Variants in MAN1B1 observed in about 807,000 individuals in gnomAD.
MAN1B1 encodes the protein mannosidase alpha class 1B member 1.
A neutral mutation model predicts 75.5 loss-of-function variants in MAN1B1; 66 were observed. That is an observed-to-expected ratio of 0.87 (90% CI 0.72 to 1.07). MAN1B1 has a LOEUF of 1.07. Ranked by LOEUF, MAN1B1 falls within the 50% of genes least tolerant of loss-of-function variation. The probability of loss-of-function intolerance (pLI) is 0.00; values close to 1 mark genes in which losing one functional copy is unlikely to be tolerated. For missense variants in MAN1B1, 973 were observed against 912.5 expected (o/e 1.07, Z -0.85); for synonymous variants, 453 against 382.8 (o/e 1.18, Z -2.14).
intron 3 of MAN1B1, among the ~76,000 whole-genome samples, chr9:137,091,008 G>A (rs1433111098): frequency 2.6e-5 from 4 of 152,206 alleles, no homozygotes; most frequent in Non-Finnish European, 5.9e-5. Flanking sequence ...GGCAGAGGGT[G>A]TAGGGTGGGA....
Position 137,107,036 on chromosome 9 carries a change from C to T in MAN1B1, c.1567-214C>T, listed in dbSNP as rs9721691. On this transcript the variant is annotated intron_variant, in intron 10 of 12. Transcript: ENST00000371589. The stretch of plus-strand genomic sequence containing the variant: ...CCCAGGGCAGCTCCCTCCCCGTGCC[C>T]GGTGTGTAGCAGGTCCTCGGGCGGT... 2.0e-3 allele frequency: 1,527 copies of T among 746,112 alleles called. 17 individuals are homozygous for T. The African/African-American group carries it at 0.024, about 12-fold the overall frequency. 46.2% of individuals were successfully genotyped at this position (746,112 alleles called of 1,614,324 possible). A position where few individuals can be genotyped will look rare whatever the true frequency, so the allele number is the denominator to read the frequency against.
chr9:137,087,700 A>T, intron 1 of MAN1B1: 1 of 405,284 alleles, frequency 2.5e-6, no homozygotes, highest in Non-Finnish European at 4.6e-6. Flanking sequence ...TGGGAGTCGC[A>T]GGAGTCTTTC....
chr9:137,105,379 A>G (rs1447484015), intron 8 of MAN1B1: 2 of 172,032 alleles, frequency 1.2e-5, no homozygotes, highest in Non-Finnish European at 2.4e-5. Context: ...TGAGGCTCCC[A>G]TGCAGACATT....
At chr9:137,103,787 C>G (rs936686096) in intron 8 of MAN1B1, 4 of 451,622 alleles carry the variant, frequency 8.9e-6, no homozygotes, top group Non-Finnish European at 1.8e-5. Flanking sequence ...TGCAGGTGTG[C>G]AGGTTGGTGT....
intron 4 of MAN1B1, 142 bp from the exon 5 acceptor site, chr9:137,097,686 C>T (rs1830690140): frequency 1.4e-6 from 1 of 699,882 alleles, no homozygotes; most frequent in Admixed American, 2.1e-5. Context: ...TGTTTCCTGC[C>T]ACTCAGCAGC....
At chr9:137,104,882 G>C (rs530729129) in intron 8 of MAN1B1, 1 of 148,932 alleles carries the variant, frequency 6.7e-6, no homozygotes, top group Non-Finnish European at 1.5e-5. Context: ...TTTGGGTGTT[G>C]TGAGTGTGGG....
chr9:137,104,232 C>T (rs1831014064), intron 8 of MAN1B1: 3 of 365,328 alleles, frequency 8.2e-6, no homozygotes, highest in South Asian at 6.3e-5. Flanking sequence ...CACGATTTGT[C>T]CTTTTTTTGT....
chr9:137,102,309 G>C (rs1830859318), intron 8 of MAN1B1: 1 of 432,896 alleles, frequency 2.3e-6, no homozygotes, highest in African/African-American at 2.1e-5. Context: ...GTGCAGGTCG[G>C]TGGTGTTACA....
In MAN1B1 at chr9:137,101,580, C is replaced by T. The variant is rs1252503516; in HGVS notation, c.1162C>T (p.Arg388Trp). 11 of 1,613,768 alleles carry T rather than the reference C, an allele frequency of 6.8e-6. No individual in the cohort carries two copies. The highest frequency in any genetic ancestry group is 2.2e-5 in the East Asian group (1 of 44,898). Residue 388 changes from arginine (R) to tryptophan (W), a missense_variant, in exon 8 of 13, where the codon CGG becomes TGG. Coordinates refer to ENST00000371589, the MANE Select transcript of MAN1B1 (RefSeq NM_016219.5). ...CGGTACTGGAGTTGCCCACCCGCCACGGTGGACCTCCGACAGCACTGTGGC... is the reference window on the plus strand; with the variant it reads ...CGGTACTGGAGTTGCCCACCCGCCATGGTGGACCTCCGACAGCACTGTGGC... ...NIGTGVAHPP[R>W]WTSDSTVAEV...
At position 137,104,567 on chromosome 9, in the gene MAN1B1, C is replaced by T. The variant is rs895409601; in HGVS notation, c.1255-1558C>T. On this transcript the variant is annotated intron_variant, in intron 8 of 12. Coordinates refer to ENST00000371589, the MANE Select transcript of MAN1B1 (RefSeq NM_016219.5). ...TTTTATTTGGGCTCCTTTCACTCAG[C>T]GTCTTTAAGCTTCATACGCGAAAGA... The T allele has an allele frequency of 6.2e-5, 11 of 177,872 alleles. No homozygotes were observed. The East Asian group carries it at 1.5e-3, about 24-fold the overall frequency. 11.0% of individuals were successfully genotyped at this position (177,872 alleles called of 1,614,324 possible).
At chr9:137,108,122 C>A in intron 12 of MAN1B1, 1 of 610,792 alleles carries the variant, frequency 1.6e-6, no homozygotes, top group Non-Finnish European at 2.9e-6. Context: ...GTGCCCTGTG[C>A]CCTGTGCGGC....
chr9:137,097,653 C>T lies in MAN1B1; in HGVS notation c.621-175C>T, dbSNP rs142888957. 4.3e-3 allele frequency among the ~76,000 whole-genome samples: 657 copies of T among 152,304 alleles called. 4 individuals are homozygous for T. The highest frequency in any genetic ancestry group is 6.6e-3 in the Non-Finnish European group (446 of 68,024). ...GTGCTGTGGTCTTGGCTCTCAGGCA[C>T]GGGAGCTCAGGACTGAACTGTGTGT... On this transcript the variant is annotated intron_variant, in intron 4 of 12. Transcript: ENST00000371589.
chr9:137,107,170 C>T (rs1378903220), intron 10 of MAN1B1, 80 bp from the exon 11 acceptor site: 2 of 1,474,630 alleles, frequency 1.4e-6, no homozygotes, highest in Admixed American at 1.8e-5. Flanking sequence ...CAGCGCTGGG[C>T]TCCCACGTTG....
intron 3 of MAN1B1, among the ~76,000 whole-genome samples, chr9:137,090,567 T>C (rs1588583588): frequency 6.6e-6 from 1 of 151,658 alleles, no homozygotes; most frequent in East Asian, 1.9e-4. Flanking sequence ...CGAGGCGGAA[T>C]CTCACTCTGT....
rs749678861 is a variant in MAN1B1, at chr9:137,099,632, G to T, written c.731-64G>T. Reference sequence around the variant, plus strand: ...GGTCACAGCAGTGCTCTGCCTGAGGGTGTCCATCTGTGCCGACGCCAGGAC... The same window carrying T: ...GGTCACAGCAGTGCTCTGCCTGAGGTTGTCCATCTGTGCCGACGCCAGGAC... On this transcript the variant is annotated intron_variant, in intron 5 of 12. Transcript: ENST00000371589. The T allele has an allele frequency of 1.4e-5, 21 of 1,545,596 alleles. No individual in the cohort carries two copies. The South Asian group carries it at 2.2e-4, about 16-fold the overall frequency.
intron 3 of MAN1B1, among the ~76,000 whole-genome samples, chr9:137,094,110 G>T (rs1458335516): frequency 6.6e-6 from 1 of 151,234 alleles, no homozygotes; most frequent in Admixed American, 6.6e-5. Context: ...CACGTCTCGG[G>T]TTCAAGTGAT....
intron 12 of MAN1B1, 72 bp from the exon 13 acceptor site, chr9:137,108,316 C>T (rs781731356): frequency 2.3e-5 from 30 of 1,328,648 alleles, no homozygotes; most frequent in Non-Finnish European, 3.0e-5. Flanking sequence ...GGGTGGAGAG[C>T]GCTTCGGTGA....
At chr9:137,103,232 A>ACAC in intron 8 of MAN1B1, 1 of 396,688 alleles carries the variant, frequency 2.5e-6, no homozygotes, top group Non-Finnish European at 4.8e-6. Flanking sequence ...ACACACATTC[A>ACAC]TGGTGTTGCA....
At position 137,101,685 on chromosome 9, in the gene MAN1B1, G is replaced by C. The variant is rs768871118; in HGVS notation, c.1254+13G>C. On this transcript the variant is annotated intron_variant, in intron 8 of 12. Transcript: ENST00000371589. The stretch of plus-strand genomic sequence containing the variant: ...TAAGAAGTTTCAGGTAAGGGGGCAG[G>C]CTTTCTGGCTGGATGCGCCTCCCCT... 21 of 1,609,888 alleles carry C rather than the reference G, an allele frequency of 1.3e-5. No homozygotes were observed. Among genetic ancestry groups the C allele is most frequent in the Non-Finnish European group, 1.7e-5 (20 of 1,177,926 alleles).
Sources: allele counts gnomAD v4.1 joint callset (sites outside exome capture counted in the v4.1 genomes callset), GRCh38; gene constraint gnomAD v4.1.1; transcripts MANE v1.5; gene names NCBI Gene and HGNC (gene_info 2026-07-23, HGNC 2026-07-21).